The following OR2T11 variants were observed in gnomAD, a reference collection of about 807,000 sequenced individuals.
OR2T11 encodes olfactory receptor 2T11.
A neutral mutation model predicts 13.5 loss-of-function variants in OR2T11; 14 were observed. That is an observed-to-expected ratio of 1.04 (90% CI 0.69 to 1.62). OR2T11 has a LOEUF of 1.62. Ranked by LOEUF, OR2T11 falls within the 40% of genes most tolerant of loss-of-function variation. OR2T11 has a pLI of 0.00. For synonymous variants in OR2T11, 163 were observed against 154.6 expected, an observed-to-expected ratio of 1.05 and a Z score of -0.40; for missense variants, 410 against 389.7, an observed-to-expected ratio of 1.05 and a Z score of -0.44.
At position 248,633,892 on chromosome 1, in the gene OR2T11, T is replaced by C. The variant is rs1461283791; in HGVS notation, c.-145+1146A>G. Among the ~76,000 whole-genome samples, 8 of 143,846 alleles carry C rather than the reference T, an allele frequency of 5.6e-5. 1 individual carries two copies. The highest frequency in any genetic ancestry group is 1.2e-4 in the Non-Finnish European group (8 of 66,306). 94.4% of individuals were successfully genotyped at this position (143,846 alleles called of 152,430 possible). A position where few individuals can be genotyped will look rare whatever the true frequency, so the allele number is the denominator to read the frequency against. On this transcript the variant is annotated intron_variant, in intron 1 of 1. Transcript: ENST00000641193. ...TCAAAGAAGGACTATATGAAGAATC[T>C]AGCAAAAGCCAATGACTTTTTCACA...
Position 248,626,712 on chromosome 1 carries a change from A to G in OR2T11, c.417T>C (p.Leu139=). Residue 139 remains leucine, a synonymous_variant, in exon 2 of 2, where the codon CTT becomes CTC. Coordinates refer to ENST00000641193, the MANE Select transcript of OR2T11 (RefSeq NM_001001964.2). ...CAAACCAGGCACCAGCAGCCAGCAAAAGACACTTCTTGCGGTTCATCAGGA... is the reference window on the plus strand; with the variant it reads ...CAAACCAGGCACCAGCAGCCAGCAAGAGACACTTCTTGCGGTTCATCAGGA... ...YPVLMNRKKC[L]LLAAGAWFGG... 1 of 1,573,254 alleles carries G rather than the reference A, an allele frequency of 6.4e-7. No homozygotes were observed. Among genetic ancestry groups the G allele is most frequent in the Non-Finnish European group, 8.6e-7 (1 of 1,157,030 alleles).
At position 248,624,604 on chromosome 1, in the gene OR2T11, T is replaced by C. The variant is rs1381796578; in HGVS notation, c.*1574A>G. 6.9e-6 allele frequency: 1 copy of C among 144,214 alleles called. No individual in the cohort carries two copies. The highest frequency in any genetic ancestry group is 1.5e-5 in the Non-Finnish European group (1 of 66,476). The allele number at this position is 144,214 out of a possible 1,614,324, so 8.9% of individuals were successfully genotyped here. A position where few individuals can be genotyped will look rare whatever the true frequency, so the allele number is the denominator to read the frequency against. ...TCAGATCTCAGTCTCAAGCTTTCTCTTAAGAAAACTCTCAAAAAACCTGTT... is the reference window on the plus strand; with the variant it reads ...TCAGATCTCAGTCTCAAGCTTTCTCCTAAGAAAACTCTCAAAAAACCTGTT... On this transcript the variant is annotated 3_prime_UTR_variant, in exon 2 of 2. Transcript: ENST00000641193.
chr1:248,627,923 A>G (rs1267537366), intron 1 of OR2T11, among the ~76,000 whole-genome samples: 1 of 142,670 alleles, frequency 7.0e-6, no homozygotes, highest in African/African-American at 2.8e-5. Flanking sequence ...CTTCAGATAA[A>G]TTAGAAGGTA....
intron 1 of OR2T11, among the ~76,000 whole-genome samples, chr1:248,631,483 C>G (rs1660614432): frequency 7.0e-6 from 1 of 142,606 alleles, no homozygotes; most frequent in Admixed American, 6.8e-5. Context: ...CTCTCTGCCA[C>G]TACCCTTAAC....
intron 1 of OR2T11, among the ~76,000 whole-genome samples, chr1:248,631,961 A>C (rs1203050583): frequency 7.0e-6 from 1 of 143,578 alleles, no homozygotes. Context: ...AGATTTGAAG[A>C]TCTCTGTAAT....
Position 248,625,055 on chromosome 1 carries a change from A to G in OR2T11, c.*1123T>C, listed in dbSNP as rs1449677157. 6.9e-6 allele frequency: 1 copy of G among 144,018 alleles called. No individual in the cohort carries two copies. Among genetic ancestry groups the G allele is most frequent in the African/African-American group, 2.7e-5 (1 of 36,702 alleles). 8.9% of individuals were successfully genotyped at this position (144,018 alleles called of 1,614,324 possible). A position where few individuals can be genotyped will look rare whatever the true frequency, so the allele number is the denominator to read the frequency against. ...GCTTAAATACCTAATAGATATTTCC[A>G]AATTATCTTAAGTGAATTCTTGACT... On this transcript the variant is annotated 3_prime_UTR_variant, in exon 2 of 2. Coordinates refer to ENST00000641193, the MANE Select transcript of OR2T11 (RefSeq NM_001001964.2).
At position 248,625,343 on chromosome 1, in the gene OR2T11, A is replaced by T. The variant is rs1295115377; in HGVS notation, c.*835T>A. The stretch of plus-strand genomic sequence containing the variant: ...ATGCTTTAAAAACGTGTCTGTTATC[A>T]TGTAACACCCGCATGGAAAACTCCA... On this transcript the variant is annotated 3_prime_UTR_variant, in exon 2 of 2. Coordinates refer to ENST00000641193, the MANE Select transcript of OR2T11 (RefSeq NM_001001964.2). 1.4e-5 allele frequency: 2 copies of T among 143,758 alleles called. No individual in the cohort carries two copies. Among genetic ancestry groups the T allele is most frequent in the African/African-American group, 2.7e-5 (1 of 36,472 alleles). 8.9% of individuals were successfully genotyped at this position (143,758 alleles called of 1,614,324 possible). A position where few individuals can be genotyped will look rare whatever the true frequency, so the allele number is the denominator to read the frequency against.
At chr1:248,631,255 TG>T (rs1399257687) in intron 1 of OR2T11, among the ~76,000 whole-genome samples, 1 of 143,764 alleles carries the variant, frequency 7.0e-6, no homozygotes, top group African/African-American at 2.7e-5. Flanking sequence ...TAAACAAAAC[TG>T]AGACATGTTG....
Position 248,626,447 on chromosome 1 carries a change from C to G in OR2T11, c.682G>C (p.Ala228Pro). 6.4e-7 allele frequency: 1 copy of G among 1,572,474 alleles called. No individual in the cohort carries two copies. Among genetic ancestry groups the G allele is most frequent in the East Asian group, 2.3e-5 (1 of 43,670 alleles). Reference sequence around the variant, plus strand: ...GTGAAGGCCTTTTTGCGACCTTCAGCAGAGGGCATGCGGTGGATGGTTAAC... The same window carrying G: ...GTGAAGGCCTTTTTGCGACCTTCAGGAGAGGGCATGCGGTGGATGGTTAAC... ...ILLTIHRMPSAEGRKKAFTTC... is the reference protein window; with the variant it reads ...ILLTIHRMPSPEGRKKAFTTC... The change falls in exon 2 of 2, where the codon GCT (alanine) becomes CCT (proline). Residue 228 changes from alanine to proline, a missense_variant. Coordinates refer to ENST00000641193, the MANE Select transcript of OR2T11 (RefSeq NM_001001964.2).
At position 248,626,569 on chromosome 1, in the gene OR2T11, G is replaced by GCA. The variant is rs1558172035; in HGVS notation, c.558_559dup (p.Ala187ValfsTer10). The GCA allele has an allele frequency of 4.5e-6, 7 of 1,572,140 alleles. No homozygotes were observed. In the South Asian group the frequency reaches 6.7e-5, roughly 15 times the overall value. On this transcript the variant is annotated frameshift_variant, in exon 2 of 2. Coordinates refer to ENST00000641193, the MANE Select transcript of OR2T11 (RefSeq NM_001001964.2). LOFTEE classifies it high-confidence loss of function. ...CAGAGTTTCATACAAGGACGTGTCT[G>GCA]CACAGGCCAGTTTCAGAACTGCTGG...
At position 248,627,188 on chromosome 1, in the gene OR2T11, A is replaced by G. The variant is rs1572101657; in HGVS notation, c.-60T>C. ...AGACACAAGGACCAGGAAGGAGGCA[A>G]GAGAACACGGTCAAGATGGGAAAGG... is the stretch of plus-strand genomic sequence containing the variant. On this transcript the variant is annotated 5_prime_UTR_variant, in exon 2 of 2. Coordinates refer to ENST00000641193, the MANE Select transcript of OR2T11 (RefSeq NM_001001964.2). 3.0e-6 allele frequency: 3 copies of G among 1,000,690 alleles called. No individual in the cohort carries two copies. Among genetic ancestry groups the G allele is most frequent in the African/African-American group, 3.7e-5 (2 of 54,728 alleles). 62.0% of individuals were successfully genotyped at this position (1,000,690 alleles called of 1,614,324 possible).
intron 1 of OR2T11, among the ~76,000 whole-genome samples, chr1:248,631,699 TTC>T (rs1200170234): frequency 7.0e-6 from 1 of 142,950 alleles, no homozygotes; most frequent in Non-Finnish European, 1.5e-5. Context: ...TCTTGGGCAA[TTC>T]TCAGTCATTA....
In OR2T11 at chr1:248,626,291, G is replaced by T. The variant is rs1453215445; in HGVS notation, c.838C>A (p.Pro280Thr). 1.3e-6 allele frequency: 2 copies of T among 1,567,932 alleles called. No homozygotes were observed. The highest frequency in any genetic ancestry group is 1.5e-5 in the African/African-American group (1 of 66,882). Residue 280 changes from proline (P) to threonine (T), a missense_variant, in exon 2 of 2, where the codon CCC becomes ACC. Transcript: ENST00000641193. ...VVSAFYTIVT[P>T]MLNPLIYSLR... ...CTGTAGATGAGAGGATTAAGCATGG[G>T]CGTGACAATGGTATAGAAGGCTGAC... is the stretch of plus-strand genomic sequence containing the variant.
At position 248,632,412 on chromosome 1, in the gene OR2T11, T is replaced by C. The variant is rs1460337720; in HGVS notation, c.-145+2626A>G. 1.5e-5 allele frequency among the ~76,000 whole-genome samples: 2 copies of C among 136,256 alleles called. 1 individual carries two copies. Among genetic ancestry groups the C allele is most frequent in the Non-Finnish European group, 3.1e-5 (2 of 64,248 alleles). 89.4% of individuals were successfully genotyped at this position (136,256 alleles called of 152,430 possible). On this transcript the variant is annotated intron_variant, in intron 1 of 1. Transcript: ENST00000641193. The stretch of plus-strand genomic sequence containing the variant: ...CAGACTTTATATTCTTATGGTGATG[T>C]TTACTTTTGTTGTAACACACTAGAT...
Position 248,626,430 on chromosome 1 carries a change from C to T in OR2T11, c.699G>A (p.Lys233=). Reference sequence around the variant, plus strand: ...AGTGGGAGGAACAAGTGGTGAAGGCCTTTTTGCGACCTTCAGCAGAGGGCA... The same window carrying T: ...AGTGGGAGGAACAAGTGGTGAAGGCTTTTTTGCGACCTTCAGCAGAGGGCA... The part of the protein sequence containing the change: ...HRMPSAEGRK[K]AFTTCSSHLT... The change falls in exon 2 of 2, where the codon AAG becomes AAA. Residue 233 remains lysine, a synonymous_variant. Transcript: ENST00000641193. 6.4e-7 allele frequency: 1 copy of T among 1,572,062 alleles called. No individual in the cohort carries two copies. The highest frequency in any genetic ancestry group is 8.6e-7 in the Non-Finnish European group (1 of 1,156,112).
intron 1 of OR2T11, among the ~76,000 whole-genome samples, chr1:248,631,141 C>G (rs891254197): frequency 7.0e-6 from 1 of 143,336 alleles, no homozygotes; most frequent in Non-Finnish European, 1.5e-5. Flanking sequence ...AGACCGGTTT[C>G]CAACTTCTGA....
At chr1:248,629,934 C>T (rs536508538) in intron 1 of OR2T11, among the ~76,000 whole-genome samples, 3 of 142,180 alleles carry the variant, frequency 2.1e-5, no homozygotes, top group Admixed American at 1.4e-4. Context: ...CTTTTCTTAA[C>T]ACCGTCTGAC....
In OR2T11 at chr1:248,627,283, ACAGGCAGACCAACATG is replaced by A. The variant is rs1368071513; in HGVS notation, c.-144-27_-144-12del. The A allele has an allele frequency of 1.7e-6, 1 of 572,392 alleles. No individual in the cohort carries two copies. Among genetic ancestry groups the A allele is most frequent in the African/African-American group, 2.1e-5 (1 of 47,316 alleles). 35.5% of individuals were successfully genotyped at this position (572,392 alleles called of 1,614,324 possible). A position where few individuals can be genotyped will look rare whatever the true frequency, so the allele number is the denominator to read the frequency against. On this transcript the variant is annotated splice_polypyrimidine_tract_variant and intron_variant, in intron 1 of 1. Transcript: ENST00000641193. The stretch of plus-strand genomic sequence containing the variant: ...CTTCCAGGCTAGAGGCTAGAGAAGA[ACAGGCAGACCAACATG>A]CACATCATGAAGCAAAAACCATGGC...
intron 1 of OR2T11, among the ~76,000 whole-genome samples, chr1:248,627,822 C>T (rs28366834): frequency 0.81 from 114,212 of 141,538 alleles, 50,581 homozygotes; most frequent in South Asian, 0.95. Context: ...CTCTTCCAAG[C>T]CTTCGATGCC....
Sources: gnomAD v4.1 joint callset for allele counts (sites outside exome capture counted in the v4.1 genomes callset) on GRCh38, gnomAD v4.1.1 for gene constraint, MANE v1.5 for transcripts, NCBI Gene and HGNC (gene_info 2026-07-23, HGNC 2026-07-21) for gene names.